The following DPF3 variants were observed in gnomAD, a reference collection of about 807,000 sequenced individuals.
The protein encoded by DPF3 is zinc finger protein DPF3.
Under a neutral mutation model 56.8 loss-of-function variants are expected in DPF3, and 18 were observed. The observed-to-expected ratio is 0.32, with a 90% CI of 0.22 to 0.47. The LOEUF is 0.47. Ranked by LOEUF, DPF3 falls within the 20% of genes least tolerant of loss-of-function variation. The probability of loss-of-function intolerance (pLI) is 1.00; values close to 1 mark genes in which losing one functional copy is unlikely to be tolerated. For missense variants in DPF3, 403 were observed against 488.8 expected, an observed-to-expected ratio of 0.82 and a Z score of 1.65; for synonymous variants, 188 against 180.2, an observed-to-expected ratio of 1.04 and a Z score of -0.35.
chr14:72,864,478 C>G (rs146166356), intron 1 of DPF3, among the ~76,000 whole-genome samples: 2 of 152,220 alleles, frequency 1.3e-5, no homozygotes, highest in Admixed American at 1.3e-4. Context: ...ACCTACAGTG[C>G]TTGGCACTTA....
At chr14:72,628,777 A>G (rs1884990776) in intron 9 of DPF3, among the ~76,000 whole-genome samples, 2 of 152,202 alleles carry the variant, frequency 1.3e-5, no homozygotes, top group Non-Finnish European at 2.9e-5. Flanking sequence ...GACAGAGGAA[A>G]ATGTCAGACA....
In DPF3 at chr14:72,663,946, C is replaced by G. The variant is rs970026710; in HGVS notation, c.871+10294G>C. Among the ~76,000 whole-genome samples, 2 of 152,084 alleles carry G rather than the reference C, an allele frequency of 1.3e-5. 1 individual carries two copies. The highest frequency in any genetic ancestry group is 4.8e-5 in the African/African-American group (2 of 41,402). ...CAAAGCTGAGACTCCATTCATCCAA[C>G]TTTCCTCCTTGACCAAGTCCTCCCT... On this transcript the variant is annotated intron_variant, in intron 8 of 10. Coordinates refer to ENST00000556509, the MANE Select transcript of DPF3 (RefSeq NM_001280542.3).
chr14:72,705,502 C>A (rs1051614719), intron 6 of DPF3, among the ~76,000 whole-genome samples: 4 of 152,086 alleles, frequency 2.6e-5, no homozygotes, highest in South Asian at 2.1e-4. Context: ...ACCTGCCCTC[C>A]GCCCCTGGTC....
chr14:72,623,912 A>G (rs941921011), intron 9 of DPF3, among the ~76,000 whole-genome samples: 2 of 152,166 alleles, frequency 1.3e-5, no homozygotes, highest in African/African-American at 4.8e-5. Context: ...GTATAAATAT[A>G]TTTACATATT....
At chr14:72,801,073 T>C (rs1949672015) in intron 1 of DPF3, among the ~76,000 whole-genome samples, 2 of 152,268 alleles carry the variant, frequency 1.3e-5, no homozygotes, top group East Asian at 1.9e-4. Context: ...TTACCAATAG[T>C]GCAGTACAAA....
chr14:72,656,203 T>G (rs1209421774), intron 8 of DPF3, among the ~76,000 whole-genome samples: 1 of 152,256 alleles, frequency 6.6e-6, no homozygotes, highest in African/African-American at 2.4e-5. Flanking sequence ...TAAGCTTTTC[T>G]GTACTTTTTG....
intron 8 of DPF3, among the ~76,000 whole-genome samples, chr14:72,645,478 G>T (rs1323260516): frequency 6.6e-6 from 1 of 151,926 alleles, no homozygotes; most frequent in East Asian, 1.9e-4. Context: ...GTGCCACCAT[G>T]CCTGGCTAAT....
In DPF3 at chr14:72,869,674, G is replaced by A. The variant is rs190120380; in HGVS notation, c.32+24383C>T. The stretch of plus-strand genomic sequence containing the variant: ...AGGTGGCTTACCTCCTGGGGAATGT[G>A]GGGACGGAAAAAGAGGGCTGGGAGA... On this transcript the variant is annotated intron_variant, in intron 1 of 10. Coordinates refer to ENST00000556509, the MANE Select transcript of DPF3 (RefSeq NM_001280542.3). Among the ~76,000 whole-genome samples the A allele has an allele frequency of 5.3e-5, 8 of 152,238 alleles. No homozygotes were observed. In the East Asian group the frequency reaches 1.4e-3, roughly 26 times the overall value.
intron 8 of DPF3, among the ~76,000 whole-genome samples, chr14:72,651,207 G>A (rs916314253): frequency 6.6e-6 from 1 of 152,176 alleles, no homozygotes; most frequent in Non-Finnish European, 1.5e-5. Context: ...GGATGGGGGC[G>A]GGCAGGGGGT....
chr14:72,879,766 A>G, intron 1 of DPF3: 2 of 1,515,066 alleles, frequency 1.3e-6, no homozygotes, highest in Non-Finnish European at 1.8e-6. Context: ...CCCTCAGACT[A>G]ACAAGTTCAC....
chr14:72,884,878 C>T (rs1414792359), intron 1 of DPF3, among the ~76,000 whole-genome samples: 4 of 142,874 alleles, frequency 2.8e-5, no homozygotes, highest in Admixed American at 7.2e-5. Context: ...GGGCGGATCA[C>T]GAGGTCAGGA....
chr14:72,835,959 C>T lies in DPF3; in HGVS notation c.32+58098G>A, dbSNP rs182111925. ...GACTCTTCGACACCTAAAACCTGTGCGTTGTGTTCAAGATACACCCGCCGG... is the reference window on the plus strand; with the variant it reads ...GACTCTTCGACACCTAAAACCTGTGTGTTGTGTTCAAGATACACCCGCCGG... On this transcript the variant is annotated intron_variant, in intron 1 of 10. Coordinates refer to ENST00000556509, the MANE Select transcript of DPF3 (RefSeq NM_001280542.3). 8 of 805,020 alleles carry T rather than the reference C, an allele frequency of 9.9e-6. No homozygotes were observed. The East Asian group carries it at 6.3e-4, about 63-fold the overall frequency. The allele number at this position is 805,020 out of a possible 1,614,324, so 49.9% of individuals were successfully genotyped here. A position where few individuals can be genotyped will look rare whatever the true frequency, so the allele number is the denominator to read the frequency against.
chr14:72,628,085 T>C (rs1416864071), intron 9 of DPF3, among the ~76,000 whole-genome samples: 1 of 152,100 alleles, frequency 6.6e-6, no homozygotes, highest in African/African-American at 2.4e-5. Context: ...TGTTATCCAT[T>C]CTTACATCTC....
At chr14:72,639,173 G>A (rs1428548546) in intron 8 of DPF3, among the ~76,000 whole-genome samples, 1 of 152,140 alleles carries the variant, frequency 6.6e-6, no homozygotes, top group African/African-American at 2.4e-5. Context: ...CTACCCAATT[G>A]TGATCAGATT....
intron 8 of DPF3, among the ~76,000 whole-genome samples, chr14:72,642,486 A>T (rs543791125): frequency 4.6e-5 from 7 of 152,110 alleles, no homozygotes; most frequent in African/African-American, 1.2e-4. Context: ...TGCTGTTATT[A>T]TTTTTTTTCA....
chr14:72,808,473 G>C (rs1882889285), intron 1 of DPF3, among the ~76,000 whole-genome samples: 1 of 152,202 alleles, frequency 6.6e-6, no homozygotes, highest in East Asian at 1.9e-4. Flanking sequence ...GGACTTACAA[G>C]CAGGACCCGC....
chr14:72,734,734 C>G lies in DPF3; in HGVS notation c.302-2800G>C, dbSNP rs75002480. On this transcript the variant is annotated intron_variant, in intron 3 of 10. Transcript: ENST00000556509. Reference sequence around the variant, plus strand: ...AGACCCTGAAAAGTTAAGTAACCACCAACAGCCACACAGCAGGATGAGAAT... The same window carrying G: ...AGACCCTGAAAAGTTAAGTAACCACGAACAGCCACACAGCAGGATGAGAAT... 2.6e-3 allele frequency among the ~76,000 whole-genome samples: 393 copies of G among 152,164 alleles called. 3 individuals carry two copies. In the East Asian group the frequency reaches 0.029, roughly 11 times the overall value.
chr14:72,746,554 G>C (rs1890331911), intron 3 of DPF3, among the ~76,000 whole-genome samples: 1 of 152,260 alleles, frequency 6.6e-6, no homozygotes, highest in South Asian at 2.1e-4. Context: ...AAGGTGCTCT[G>C]CCATGTGACA....
rs1886663652 is a variant in DPF3, at chr14:72,889,348, A to G, written c.32+4709T>C. On this transcript the variant is annotated intron_variant, in intron 1 of 10. Coordinates refer to ENST00000556509, the MANE Select transcript of DPF3 (RefSeq NM_001280542.3). ...TACCCATTGAAAAATAATGTGTGCT[A>G]ATGAGGTTTGGAGAATTTAGGGCTT... Among the ~76,000 whole-genome samples, 4 of 152,212 alleles carry G rather than the reference A, an allele frequency of 2.6e-5. No individual in the cohort carries two copies. The South Asian group carries it at 8.3e-4, about 32-fold the overall frequency.
Sources: allele counts gnomAD v4.1 joint callset (sites outside exome capture counted in the v4.1 genomes callset), GRCh38; gene constraint gnomAD v4.1.1; transcripts MANE v1.5; gene names NCBI Gene and HGNC (gene_info 2026-07-23, HGNC 2026-07-21).